PJA2: variants seen among roughly 807,000 people sequenced by gnomAD.
PJA2 encodes the protein praja ring finger ubiquitin ligase 2, also known as E3 ubiquitin-protein ligase Praja-2.
Under a neutral mutation model 69.3 loss-of-function variants are expected in PJA2, and 25 were observed. The ratio of observed to expected loss-of-function variants is 0.36; its 90% CI spans 0.26 to 0.50. The LOEUF (loss-of-function observed/expected upper bound fraction) is 0.50. PJA2 is among the 20% of genes least tolerant of loss of function. PJA2 has a pLI of 0.96. For synonymous variants in PJA2, 308 were observed against 277.8 expected (o/e 1.11, Z -1.08); for missense variants, 809 against 830.2 (o/e 0.97, Z 0.31).
At chr5:109,396,221 T>C (rs1747405102) in intron 1 of PJA2, among the ~76,000 whole-genome samples, 1 of 152,072 alleles carries the variant, frequency 6.6e-6, no homozygotes, top group African/African-American at 2.4e-5. Flanking sequence ...CTTCAGTGGA[T>C]GGAGAAAAAG....
chr5:109,364,299 T>G (rs1056060404), intron 5 of PJA2, among the ~76,000 whole-genome samples: 37 of 152,082 alleles, frequency 2.4e-4, no homozygotes, highest in African/African-American at 8.2e-4. Flanking sequence ...AAACAATGAG[T>G]ACGAGAATAG....
intron 8 of PJA2, 115 bp from the exon 9 acceptor site, chr5:109,344,426 G>T: frequency 8.7e-7 from 1 of 1,148,122 alleles, no homozygotes; most frequent in Non-Finnish European, 1.2e-6. Flanking sequence ...GCCAGTCTTT[G>T]ACCAGTTAAT....
At chr5:109,372,301 T>G (rs749123736) in intron 4 of PJA2, among the ~76,000 whole-genome samples, 1 of 152,220 alleles carries the variant, frequency 6.6e-6, no homozygotes, top group Non-Finnish European at 1.5e-5. Flanking sequence ...TCAAGAATGC[T>G]CTATTTCAAA....
intron 9 of PJA2, among the ~76,000 whole-genome samples, chr5:109,342,019 C>G (rs1290749638): frequency 1.5e-5 from 2 of 136,060 alleles, no homozygotes; most frequent in Admixed American, 7.0e-5. Context: ...CGGCCCCCCG[C>G]CGGGCCAGCC....
At chr5:109,352,419 CAA>C (rs1762268631) in intron 7 of PJA2, among the ~76,000 whole-genome samples, 1 of 152,152 alleles carries the variant, frequency 6.6e-6, no homozygotes, top group Admixed American at 6.6e-5. Context: ...ACAGATCACT[CAA>C]AGAGTTATTT....
chr5:109,401,017 C>A (rs896877858), intron 1 of PJA2, among the ~76,000 whole-genome samples: 1 of 151,758 alleles, frequency 6.6e-6, no homozygotes, highest in African/African-American at 2.4e-5. Flanking sequence ...AACAAAAAAA[C>A]CAAATGACAC....
chr5:109,386,426 G>C (rs954140974), intron 1 of PJA2, among the ~76,000 whole-genome samples: 13 of 152,260 alleles, frequency 8.5e-5, no homozygotes, highest in African/African-American at 2.9e-4. Flanking sequence ...AAAGGAATTG[G>C]AAACAGTACA....
intron 2 of PJA2, among the ~76,000 whole-genome samples, chr5:109,383,101 T>A (rs1445847818): frequency 6.6e-6 from 1 of 152,158 alleles, no homozygotes; most frequent in African/African-American, 2.4e-5. Context: ...GGATAACTTG[T>A]CTAATAATCC....
At chr5:109,358,758 T>C (rs1561348367) in intron 6 of PJA2, among the ~76,000 whole-genome samples, 2 of 152,010 alleles carry the variant, frequency 1.3e-5, no homozygotes, top group Admixed American at 6.6e-5. Flanking sequence ...GAAGCAGAGG[T>C]TGCAGTGAGT....
intron 9 of PJA2, among the ~76,000 whole-genome samples, chr5:109,342,110 C>T (rs1762078532): frequency 1.6e-5 from 2 of 128,482 alleles, no homozygotes; most frequent in Non-Finnish European, 3.6e-5. Flanking sequence ...GGGATGTCGG[C>T]CCCCCGCCCG....
chr5:109,357,259 C>A (rs1239913161), intron 6 of PJA2, among the ~76,000 whole-genome samples: 3 of 151,036 alleles, frequency 2.0e-5, no homozygotes, highest in African/African-American at 7.3e-5. Context: ...ACTTCCATAT[C>A]CTATTTGAAT....
At chr5:109,399,871 C>T (rs1747500463) in intron 1 of PJA2, among the ~76,000 whole-genome samples, 1 of 152,080 alleles carries the variant, frequency 6.6e-6, no homozygotes, top group Non-Finnish European at 1.5e-5. Context: ...GAACATGCAT[C>T]AACTCATGAG....
intron 1 of PJA2, among the ~76,000 whole-genome samples, chr5:109,396,444 T>TTTG (rs1747412549): frequency 4.8e-5 from 5 of 105,246 alleles, no homozygotes; most frequent in Non-Finnish European, 8.0e-5. Flanking sequence ...TTTTTTTTTT[T>TTTG]GAGACAGAGT....
intron 2 of PJA2, 134 bp downstream of exon 2, chr5:109,383,269 T>C (rs865827786): frequency 1.6e-6 from 1 of 624,848 alleles, no homozygotes; most frequent in Non-Finnish European, 2.7e-6. Flanking sequence ...GCTTTACAAA[T>C]ATTCAATATA....
At chr5:109,370,560 G>A (rs1057113360) in intron 4 of PJA2, among the ~76,000 whole-genome samples, 1 of 152,112 alleles carries the variant, frequency 6.6e-6, no homozygotes, top group Admixed American at 6.5e-5. Context: ...GCAACTAAAA[G>A]GTGTTCTTTC....
intron 2 of PJA2, among the ~76,000 whole-genome samples, chr5:109,383,188 T>C (rs1747089732): frequency 6.6e-6 from 1 of 152,182 alleles, no homozygotes; most frequent in South Asian, 2.1e-4. Flanking sequence ...GCATAAAGCT[T>C]TCCAAGCTAA....
intron 1 of PJA2, among the ~76,000 whole-genome samples, chr5:109,403,717 T>C (rs186655667): frequency 6.4e-5 from 9 of 139,632 alleles, no homozygotes; most frequent in Middle Eastern, 3.6e-3. Context: ...ATCATCTCAA[T>C]AAATACAGTA....
In PJA2 at chr5:109,360,229, G is replaced by C. The variant is rs917441272; in HGVS notation, c.1652+2611C>G. 3.9e-5 allele frequency among the ~76,000 whole-genome samples: 6 copies of C among 152,198 alleles called. No homozygotes were observed. The South Asian group carries it at 1.2e-3, about 32-fold the overall frequency. On this transcript the variant is annotated intron_variant, in intron 6 of 9. Coordinates refer to ENST00000361189, the MANE Select transcript of PJA2 (RefSeq NM_014819.5). ...CTTACAGGAAGACAGAGGAGTTAAG[G>C]AGTTATCAAAGAATAAACAAATGGT...
rs1450951014 is a variant in PJA2, at chr5:109,381,609, A to G, written c.126T>C (p.Tyr42=). 2 of 1,614,066 alleles carry G rather than the reference A, an allele frequency of 1.2e-6. No individual in the cohort carries two copies. The highest frequency in any genetic ancestry group is 1.1e-5 in the South Asian group (1 of 91,092). ...TGRRYGRRHA[Y]VSFKPCMTRH... is the part of the protein sequence containing the mutation. ...TGGTCATACATGGTTTAAAACTGAC[A>G]TAAGCATGTCTTCTTCCATATCTCC... The change falls in exon 3 of 10, where the codon TAT becomes TAC. Residue 42 remains tyrosine (Y), a synonymous_variant. Coordinates refer to ENST00000361189, the MANE Select transcript of PJA2 (RefSeq NM_014819.5).
Sources: allele counts gnomAD v4.1 joint callset (sites outside exome capture counted in the v4.1 genomes callset), GRCh38; gene constraint gnomAD v4.1.1; transcripts MANE v1.5; gene names NCBI Gene and HGNC (gene_info 2026-07-23, HGNC 2026-07-21).